GBP6: variants seen among roughly 807,000 people sequenced by gnomAD.
GBP6 encodes guanylate binding protein family member 6.
A neutral mutation model predicts 61.5 loss-of-function variants in GBP6; 54 were observed. The ratio of observed to expected loss-of-function variants is 0.88; its 90% confidence interval spans 0.71 to 1.10. The LOEUF is 1.10. Ranked by LOEUF, GBP6 falls within the 50% of genes least tolerant of loss-of-function variation. The pLI is 0.00. For missense variants in GBP6, 748 were observed against 752.8 expected, an observed-to-expected ratio of 0.99 and a Z score of 0.07; for synonymous variants, 255 against 273.7, an observed-to-expected ratio of 0.93 and a Z score of 0.67.
chr1:89,387,090 A>C lies in GBP6; in HGVS notation c.*1621A>C, dbSNP rs1653164290. The stretch of plus-strand genomic sequence containing the variant: ...CACATCCATAGCCTTGATCTGAGCT[A>C]ATTTCAGACCCTGAACTCAGTTGGA... On this transcript the variant is annotated 3_prime_UTR_variant, in exon 11 of 11. Coordinates refer to ENST00000370456, the MANE Select transcript of GBP6 (RefSeq NM_198460.3). Among the ~76,000 whole-genome samples, 1 of 152,172 alleles carries C rather than the reference A, an allele frequency of 6.6e-6. No homozygotes were observed. Among genetic ancestry groups the C allele is most frequent in the Non-Finnish European group, 1.5e-5 (1 of 68,022 alleles).
In GBP6 at chr1:89,386,221, A is replaced by G. The variant is rs1348883842; in HGVS notation, c.*752A>G. The G allele has an allele frequency of 1.3e-5, 2 of 152,202 alleles. No individual in the cohort carries two copies. The highest frequency in any genetic ancestry group is 4.8e-5 in the African/African-American group (2 of 41,448). The allele number at this position is 152,202 out of a possible 1,614,324, so 9.4% of individuals were successfully genotyped here. A position where few individuals can be genotyped will look rare whatever the true frequency, so the allele number is the denominator to read the frequency against. On this transcript the variant is annotated 3_prime_UTR_variant, in exon 11 of 11. Coordinates refer to ENST00000370456, the MANE Select transcript of GBP6 (RefSeq NM_198460.3). Reference sequence around the variant, plus strand: ...AGATTATCTTATCAGCATGGAAAAAATGCAATTATTATATGGAAGCATGCA... The same window carrying G: ...AGATTATCTTATCAGCATGGAAAAAGTGCAATTATTATATGGAAGCATGCA...
chr1:89,376,559 C>T (rs1040051782), intron 3 of GBP6, among the ~76,000 whole-genome samples: 1 of 152,044 alleles, frequency 6.6e-6, no homozygotes. Flanking sequence ...CTAGTCTGTT[C>T]CATTGATCTA....
chr1:89,374,818 T>G (rs536936341), intron 3 of GBP6, among the ~76,000 whole-genome samples: 1 of 152,298 alleles, frequency 6.6e-6, no homozygotes, highest in South Asian at 2.1e-4. Flanking sequence ...GTTTGTTACA[T>G]AGATAAACAT....
intron 1 of GBP6, among the ~76,000 whole-genome samples, chr1:89,366,839 C>T (rs1038908455): frequency 1.3e-5 from 2 of 152,184 alleles, no homozygotes; most frequent in South Asian, 2.1e-4. Context: ...CCTCCTCCCC[C>T]AGCCCATGGT....
chr1:89,383,515 C>A, intron 8 of GBP6, 137 bp from the exon 9 acceptor site: 1 of 633,546 alleles, frequency 1.6e-6, no homozygotes. Context: ...CCCTAAAGAG[C>A]CCGCACACTT....
intron 3 of GBP6, among the ~76,000 whole-genome samples, chr1:89,375,571 G>A (rs1205765079): frequency 1.3e-5 from 2 of 150,336 alleles, no homozygotes; most frequent in African/African-American, 2.4e-5. Flanking sequence ...AGTTATTGCA[G>A]CACCTTTGCT....
In GBP6 at chr1:89,384,122, A is replaced by G; in HGVS notation, c.1498A>G (p.Lys500Glu). The G allele has an allele frequency of 6.2e-7, 1 of 1,613,574 alleles. No homozygotes were observed. Among genetic ancestry groups the G allele is most frequent in the Non-Finnish European group, 8.5e-7 (1 of 1,179,796 alleles). The change falls in exon 10 of 11, where the codon AAG (lysine) becomes GAG (glutamate). Residue 500 changes from lysine to glutamate, a missense_variant. By Grantham distance (56) the Lys-to-Glu change is moderately conservative (BLOSUM62 1). Transcript: ENST00000370456. The part of the protein sequence containing the change: ...VDRAKKEAAE[K>E]EQELLKQKLQ... The stretch of plus-strand genomic sequence containing the variant: ...TCGGGCCAAGAAGGAGGCAGCTGAG[A>G]AGGAACAGGAACTTTTAAAACAGAA...
chr1:89,365,004 G>A (rs1443124529), intron 1 of GBP6, among the ~76,000 whole-genome samples: 2 of 52,752 alleles, frequency 3.8e-5, no homozygotes, highest in Non-Finnish European at 7.6e-5. Flanking sequence ...CACCCCCAGC[G>A]CCAACCCCCC....
chr1:89,381,663 A>G (rs1652982014), intron 6 of GBP6, 31 bp from the exon 7 acceptor site: 1 of 1,569,398 alleles, frequency 6.4e-7, no homozygotes, highest in Non-Finnish European at 8.7e-7. Context: ...TTAATTTCAT[A>G]TTTAGCCCCT....
intron 9 of GBP6, 87 bp downstream of exon 9, chr1:89,383,841 A>G (rs1038870937): frequency 9.5e-7 from 1 of 1,048,878 alleles, no homozygotes; most frequent in Admixed American, 2.4e-5. Context: ...TCCCAAAATG[A>G]GGAATTTCCT....
Position 89,369,633 on chromosome 1 carries a change from T to C in GBP6, c.278T>C (p.Leu93Pro), listed in dbSNP as rs1329000986. The C allele has an allele frequency of 6.2e-7, 1 of 1,614,100 alleles. No homozygotes were observed. The highest frequency in any genetic ancestry group is 1.7e-5 in the Admixed American group (1 of 60,028). The change falls in exon 3 of 11, where the codon CTG becomes CCG. Residue 93 changes from leucine to proline, a missense_variant. Coordinates refer to ENST00000370456, the MANE Select transcript of GBP6 (RefSeq NM_198460.3). The part of the protein sequence containing the change: ...VPHPSKPNHT[L>P]VLLDTEGLGD... Reference sequence around the variant, plus strand: ...CACCCATCCAAGCCAAACCACACCCTGGTCCTTCTGGACACCGAAGGTCTG... The same window carrying C: ...CACCCATCCAAGCCAAACCACACCCCGGTCCTTCTGGACACCGAAGGTCTG...
rs1351973219 is a variant in GBP6, at chr1:89,386,825, A to AC, written c.*1361dup. ...GGACAATGTGCCTTTCCAGAACTGA[A>AC]CCCCCTGATGGGGGATGATAGACCC... is the stretch of plus-strand genomic sequence containing the variant. On this transcript the variant is annotated 3_prime_UTR_variant, in exon 11 of 11. Transcript: ENST00000370456. Among the ~76,000 whole-genome samples the AC allele has an allele frequency of 2.0e-5, 3 of 152,066 alleles. No individual in the cohort carries two copies. Among genetic ancestry groups the AC allele is most frequent in the African/African-American group, 7.2e-5 (3 of 41,400 alleles).
chr1:89,382,424 C>T (rs1187143917), intron 7 of GBP6, among the ~76,000 whole-genome samples: 1 of 152,198 alleles, frequency 6.6e-6, no homozygotes, highest in Non-Finnish European at 1.5e-5. Flanking sequence ...GGAATGTAGT[C>T]TCATCATGTC....
Position 89,386,269 on chromosome 1 carries a change from T to C in GBP6, c.*800T>C. 1 of 152,160 alleles carries C rather than the reference T, an allele frequency of 6.6e-6. No homozygotes were observed. The highest frequency in any genetic ancestry group is 1.9e-4 in the East Asian group (1 of 5,188). The allele number at this position is 152,160 out of a possible 1,614,324, so 9.4% of individuals were successfully genotyped here. A position where few individuals can be genotyped will look rare whatever the true frequency, so the allele number is the denominator to read the frequency against. On this transcript the variant is annotated 3_prime_UTR_variant, in exon 11 of 11. Coordinates refer to ENST00000370456, the MANE Select transcript of GBP6 (RefSeq NM_198460.3). ...GCAAATATATCTCTGGAAAGATTAA[T>C]CAAAATCTATTATTATTGGCTCCTT...
chr1:89,380,716 C>A (rs1652954514), intron 6 of GBP6, 85 bp downstream of exon 6: 2 of 1,337,662 alleles, frequency 1.5e-6, no homozygotes, highest in East Asian at 4.7e-5. Flanking sequence ...TTGTTAGATT[C>A]CATATAGAAA....
Position 89,378,538 on chromosome 1 carries a change from A to C in GBP6, c.550A>C (p.Thr184Pro). 2 of 1,613,942 alleles carry C rather than the reference A, an allele frequency of 1.2e-6. No individual in the cohort carries two copies. The highest frequency in any genetic ancestry group is 1.7e-6 in the Non-Finnish European group (2 of 1,179,934). ...PDFLWTVRDF[T>P]LELKLNGHPI... ...CTTTCTTTGGACAGTACGGGATTTC[A>C]CTCTGGAGCTGAAGTTGAACGGTCA... Residue 184 changes from threonine (T) to proline (P), a missense_variant, in exon 5 of 11, where the codon ACT (threonine) becomes CCT (proline). Thr to Pro is a conservative substitution (Grantham distance 38). Coordinates refer to ENST00000370456, the MANE Select transcript of GBP6 (RefSeq NM_198460.3).
chr1:89,366,484 A>G (rs1652470654), intron 1 of GBP6, among the ~76,000 whole-genome samples: 1 of 152,144 alleles, frequency 6.6e-6, no homozygotes, highest in Non-Finnish European at 1.5e-5. Context: ...ATAAAAGACA[A>G]ACATATAAGG....
chr1:89,375,015 T>C (rs527888060), intron 3 of GBP6, among the ~76,000 whole-genome samples: 2 of 152,168 alleles, frequency 1.3e-5, no homozygotes, highest in African/African-American at 4.8e-5. Flanking sequence ...AGTGAGAACA[T>C]GCAGTGTTTG....
At chr1:89,373,607 T>C (rs1360006092) in intron 3 of GBP6, among the ~76,000 whole-genome samples, 1 of 151,916 alleles carries the variant, frequency 6.6e-6, no homozygotes, top group African/African-American at 2.4e-5. Flanking sequence ...TAGGTGGGAA[T>C]TGAACAATGA....
Sources: gnomAD v4.1 joint callset for allele counts (sites outside exome capture counted in the v4.1 genomes callset) on GRCh38, gnomAD v4.1.1 for gene constraint, MANE v1.5 for transcripts, NCBI Gene and HGNC (gene_info 2026-07-23, HGNC 2026-07-21) for gene names.